The following PDZD2 variants were observed in gnomAD, a reference collection of about 807,000 sequenced individuals.
PDZD2 encodes PDZ domain-containing protein 2.
PDZD2 carries 90 observed loss-of-function variants against 220.7 expected under a neutral mutation model. The ratio of observed to expected loss-of-function variants is 0.41; its 90% CI spans 0.34 to 0.49. The LOEUF (loss-of-function observed/expected upper bound fraction) is 0.49. Among genes scored for constraint, PDZD2 ranks in the 20% least tolerant of loss-of-function variants. PDZD2 has a pLI of 0.28. For synonymous variants in PDZD2, 1,375 were observed against 1,450.5 expected (o/e 0.95, Z 1.18); for missense variants, 3,174 against 3,608.5 (o/e 0.88, Z 3.08).
At chr5:31,655,557 ATT>A (rs10713962) in intron 1 of PDZD2, among the ~76,000 whole-genome samples, 43,232 of 150,146 alleles carry the variant, frequency 0.29, 6,347 homozygotes, top group Non-Finnish European at 0.33. Context: ...CTATGAGGGT[ATT>A]TTTTTTTTTT....
chr5:31,892,570 T>C (rs1741138369), intron 2 of PDZD2, among the ~76,000 whole-genome samples: 1 of 151,956 alleles, frequency 6.6e-6, no homozygotes, highest in South Asian at 2.1e-4. Flanking sequence ...CTAGTTTCTT[T>C]TGTGGCGGGG....
At chr5:31,679,167 T>C (rs145412314) in intron 1 of PDZD2, among the ~76,000 whole-genome samples, 1 of 152,266 alleles carries the variant, frequency 6.6e-6, no homozygotes, top group African/African-American at 2.4e-5. Flanking sequence ...CAGGGTGTTA[T>C]CTTCATAGTA....
At chr5:31,645,110 T>C (rs1280608784) in intron 1 of PDZD2, among the ~76,000 whole-genome samples, 1 of 152,154 alleles carries the variant, frequency 6.6e-6, no homozygotes, top group Non-Finnish European at 1.5e-5. Context: ...AAATCACAAA[T>C]TCTTAAGGAT....
At chr5:31,925,432 C>T (rs1198993942) in intron 2 of PDZD2, among the ~76,000 whole-genome samples, 1 of 152,068 alleles carries the variant, frequency 6.6e-6, no homozygotes, top group African/African-American at 2.4e-5. Context: ...AAACTGGACC[C>T]CTACCTTTTA....
At chr5:32,026,495 A>T (rs6450887) in intron 6 of PDZD2, among the ~76,000 whole-genome samples, 143,849 of 152,274 alleles carry the variant, frequency 0.94, 68,175 homozygotes, top group Non-Finnish European at 0.97. Context: ...CCTTCCCACC[A>T]CTACCTTTTA....
At chr5:31,980,827 A>G (rs1399590777) in intron 2 of PDZD2, among the ~76,000 whole-genome samples, 2 of 152,216 alleles carry the variant, frequency 1.3e-5, no homozygotes, top group East Asian at 3.8e-4. Flanking sequence ...TCTGTCGCCC[A>G]GGCTGGAGTG....
At position 31,689,353 on chromosome 5, in the gene PDZD2, A is replaced by ATATATTTTTTTTTT; in HGVS notation, c.-361+49917_-361+49918insATATTTTTTTTTTT. On this transcript the variant is annotated intron_variant, in intron 1 of 24. Coordinates refer to ENST00000438447, the MANE Select transcript of PDZD2 (RefSeq NM_178140.4). ...TACATATACATATATATATATATAT[A>ATATATTTTTTTTTT]TTTTTTTTTTTTTTTTTTTTAAGTC... Among the ~76,000 whole-genome samples, 36 of 35,112 alleles carry ATATATTTTTTTTTT rather than the reference A, an allele frequency of 1.0e-3. 2 individuals carry two copies. Among genetic ancestry groups the ATATATTTTTTTTTT allele is most frequent in the East Asian group, 5.5e-3 (3 of 542 alleles). The allele number at this position is 35,112 out of a possible 152,430, so 23.0% of individuals were successfully genotyped here.
At position 32,074,366 on chromosome 5, in the gene PDZD2, T is replaced by G; in HGVS notation, c.3260T>G (p.Leu1087Trp). Residue 1087 changes from leucine (L) to tryptophan (W), a missense_variant, in exon 18 of 25, where the codon TTG (leucine) becomes TGG (tryptophan). This residue lies in a region of PDZD2 where 1,861 missense variants were observed against 2,001.0 expected (regional missense o/e 0.93). Coordinates refer to ENST00000438447, the MANE Select transcript of PDZD2 (RefSeq NM_178140.4). ...TCAGGATCAAGTAGCGCACCCAAATTGGAATACACAGTCCGTACAGACACC... is the reference window on the plus strand; with the variant it reads ...TCAGGATCAAGTAGCGCACCCAAATGGGAATACACAGTCCGTACAGACACC... ...ELSGSSSAPK[L>W]EYTVRTDTQS... 1 of 1,614,024 alleles carries G rather than the reference T, an allele frequency of 6.2e-7. No individual in the cohort carries two copies. Among genetic ancestry groups the G allele is most frequent in the Non-Finnish European group, 8.5e-7 (1 of 1,180,002 alleles).
intron 2 of PDZD2, among the ~76,000 whole-genome samples, chr5:31,940,294 T>A (rs914190645): frequency 6.6e-6 from 1 of 152,196 alleles, no homozygotes; most frequent in Admixed American, 6.6e-5. Flanking sequence ...TGCTGTCCCT[T>A]GTAGGCCCAT....
chr5:31,865,190 A>G (rs561711375), intron 2 of PDZD2, among the ~76,000 whole-genome samples: 54 of 152,022 alleles, frequency 3.6e-4, no homozygotes, highest in Non-Finnish European at 6.9e-4. Flanking sequence ...TCCTTTTCCA[A>G]TAGATTATGA....
rs563139635 is a variant in PDZD2, at chr5:32,109,740, C to T, written c.*1605C>T. On this transcript the variant is annotated 3_prime_UTR_variant, in exon 25 of 25. Transcript: ENST00000438447. ...AGATACTTCTTTAAATAACCTACAG[C>T]TTGGGTCTATGGCTGTGACCCCCAG... 3.9e-5 allele frequency: 6 copies of T among 152,464 alleles called. No individual in the cohort carries two copies. In the South Asian group the frequency reaches 1.0e-3, roughly 26 times the overall value. 9.4% of individuals were successfully genotyped at this position (152,464 alleles called of 1,614,324 possible). A position where few individuals can be genotyped will look rare whatever the true frequency, so the allele number is the denominator to read the frequency against.
chr5:31,649,572 G>A (rs552832924), intron 1 of PDZD2, among the ~76,000 whole-genome samples: 1 of 152,140 alleles, frequency 6.6e-6, no homozygotes, highest in East Asian at 1.9e-4. Context: ...ACTAGTTTGT[G>A]TATCTCACAT....
At chr5:31,773,484 CAAAAAAA>C (rs56843716) in intron 1 of PDZD2, among the ~76,000 whole-genome samples, 1 of 111,476 alleles carries the variant, frequency 9.0e-6, no homozygotes, top group Non-Finnish European at 2.1e-5. Flanking sequence ...ACTAAAAATA[CAAAAAAA>C]AAAAAAAAAA....
chr5:31,893,712 ATTC>A (rs1486500676), intron 2 of PDZD2, among the ~76,000 whole-genome samples: 4 of 152,052 alleles, frequency 2.6e-5, no homozygotes, highest in African/African-American at 9.7e-5. Flanking sequence ...CTCTTATTCT[ATTC>A]TTCTTATACT....
intron 2 of PDZD2, among the ~76,000 whole-genome samples, chr5:31,909,467 T>C (rs989493243): frequency 2.0e-5 from 3 of 152,146 alleles, no homozygotes; most frequent in Non-Finnish European, 4.4e-5. Context: ...TGCTTTTTGA[T>C]AACAGTTTGA....
rs928683688 is a variant in PDZD2, at chr5:31,868,776, TTTTG to T, written c.476+69060_476+69063del. ...TGAGGCTTGCGTTAAAGGTGAGTTT[TTTTG>T]TTTGTTTTTGAGACAGAGTCTTGCT... On this transcript the variant is annotated intron_variant, in intron 2 of 24. Coordinates refer to ENST00000438447, the MANE Select transcript of PDZD2 (RefSeq NM_178140.4). Among the ~76,000 whole-genome samples, 9 of 152,282 alleles carry T rather than the reference TTTTG, an allele frequency of 5.9e-5. No individual in the cohort carries two copies. In the East Asian group the frequency reaches 1.4e-3, roughly 23 times the overall value.
chr5:31,851,742 T>C (rs2150299375), intron 2 of PDZD2, among the ~76,000 whole-genome samples: 1 of 152,306 alleles, frequency 6.6e-6, no homozygotes. Context: ...CAGTCAGCAG[T>C]GAAACCTCAG....
intron 2 of PDZD2, among the ~76,000 whole-genome samples, chr5:31,910,535 C>CG (rs1743093119): frequency 6.6e-6 from 1 of 151,400 alleles, no homozygotes; most frequent in Non-Finnish European, 1.5e-5. Context: ...GGATTACAGG[C>CG]ACTCACCACT....
intron 5 of PDZD2, among the ~76,000 whole-genome samples, chr5:32,005,957 C>T (rs1327370832): frequency 6.6e-6 from 1 of 151,914 alleles, no homozygotes; most frequent in Non-Finnish European, 1.5e-5. Context: ...GACCAGCCTG[C>T]CCAACATGGT....
Sources: allele counts gnomAD v4.1 joint callset (sites outside exome capture counted in the v4.1 genomes callset), GRCh38; gene constraint gnomAD v4.1.1; regional missense constraint gnomAD v4.1.1; transcripts MANE v1.5; gene names NCBI Gene and HGNC (gene_info 2026-07-23, HGNC 2026-07-21).